FAM186B: variants seen among roughly 807,000 people sequenced by gnomAD.
FAM186B encodes the protein protein FAM186B.
FAM186B carries 68 observed loss-of-function variants against 83.4 expected under a neutral mutation model. That is an observed-to-expected ratio of 0.81 (90% CI 0.67 to 1.00). FAM186B has a LOEUF of 1.00. Ranked by LOEUF, FAM186B falls within the 50% of genes least tolerant of loss-of-function variation. The pLI is 0.00. For missense variants in FAM186B, 983 were observed against 1,099.2 expected, an observed-to-expected ratio of 0.89 and a Z score of 1.49; for synonymous variants, 389 against 422.0, an observed-to-expected ratio of 0.92 and a Z score of 0.96.
chr12:49,600,132 C>A lies in FAM186B; in HGVS notation c.1508G>T (p.Arg503Leu), dbSNP rs376802867. The A allele has an allele frequency of 1.2e-5, 19 of 1,613,508 alleles. No individual in the cohort carries two copies. In the African/African-American group the frequency reaches 2.4e-4, roughly 20 times the overall value. The change falls in exon 4 of 7, where the codon CGG becomes CTG. Residue 503 changes from arginine to leucine, a missense_variant. Physicochemically the swap from Arg to Leu is moderately radical, Grantham distance 102 (BLOSUM62 -2). Coordinates refer to ENST00000257894, the MANE Select transcript of FAM186B (RefSeq NM_032130.3). The surrounding 1 kb of genome is among the most constrained non-coding windows in gnomAD (Gnocchi z 4.3). ...CTCCAGCAGGGCCCACTTCTTCTGC[C>A]GCTGCTGCCACATCTCCTCCTCCTC... The part of the protein sequence containing the change: ...WLEEEEMWQQ[R>L]QKKWALLEQE...
At chr12:49,603,037 C>T in intron 3 of FAM186B, 148 bp downstream of exon 3, 1 of 828,520 alleles carries the variant, frequency 1.2e-6, no homozygotes. Context: ...GCTCAACCCT[C>T]AGCCCCTCAC....
downstream of FAM186B, chr12:49,584,107 C>T (rs185544555): frequency 1.6e-3 from 300 of 192,066 alleles, 3 homozygotes; most frequent in South Asian, 0.011. Flanking sequence ...AGATCACTGG[C>T]ATGTCAGTGA....
At chr12:49,587,060 G>A (rs1009218748), downstream of FAM186B, among the ~76,000 whole-genome samples, 5 of 152,182 alleles carry the variant, frequency 3.3e-5, no homozygotes, top group African/African-American at 1.2e-4. Context: ...CTCCAGTAGT[G>A]ACATCTACAA....
At chr12:49,612,324 A>T in the FAM186B span, among the ~76,000 whole-genome samples, 1 of 152,140 alleles carries the variant, frequency 6.6e-6, no homozygotes, top group South Asian at 2.1e-4. Flanking sequence ...CAAAAAGAGC[A>T]AGGGTCACTA....
the FAM186B span, among the ~76,000 whole-genome samples, chr12:49,615,544 A>G: frequency 6.8e-4 from 103 of 152,184 alleles, 2 homozygotes; most frequent in Non-Finnish European, 2.5e-4. Context: ...TAATCCCAGT[A>G]CTTTGGGAGG....
the FAM186B span, among the ~76,000 whole-genome samples, chr12:49,616,832 A>T: frequency 6.6e-6 from 1 of 152,218 alleles, no homozygotes; most frequent in Admixed American, 6.5e-5. Context: ...TACACTTAAA[A>T]TTGCCATTAT....
chr12:49,587,866 G>C, intron 6 of FAM186B, 114 bp from the exon 7 acceptor site: 1 of 1,188,516 alleles, frequency 8.4e-7, no homozygotes, highest in South Asian at 1.5e-5. Flanking sequence ...TTCTCAAATC[G>C]AGTGTGTCAC....
chr12:49,617,779 T>C, the FAM186B span, among the ~76,000 whole-genome samples: 1 of 152,142 alleles, frequency 6.6e-6, no homozygotes, highest in Non-Finnish European at 1.5e-5. Flanking sequence ...TGAAAACCCA[T>C]GTAGCCAAGG....
chr12:49,587,709 C>G lies in FAM186B; in HGVS notation c.2578G>C (p.Ala860Pro). ...QMEAVWKTEV[A>P]SSSYAIEKKT... The stretch of plus-strand genomic sequence containing the variant: ...TTTTCTATTGCGTAACTGGAGGAGG[C>G]CACCTCGGTCTTCCAGACAGCCTCC... The change falls in exon 7 of 7, where the codon GCC (alanine) becomes CCC (proline). Residue 860 changes from alanine (A) to proline (P), a missense_variant. By Grantham distance (27) the Ala-to-Pro change is conservative. Transcript: ENST00000257894. 1 of 1,614,014 alleles carries G rather than the reference C, an allele frequency of 6.2e-7. No homozygotes were observed. Among genetic ancestry groups the G allele is most frequent in the Non-Finnish European group, 8.5e-7 (1 of 1,179,994 alleles).
chr12:49,586,671 C>T (rs919265621), downstream of FAM186B, among the ~76,000 whole-genome samples: 32 of 152,280 alleles, frequency 2.1e-4, no homozygotes, highest in African/African-American at 7.7e-4. Context: ...CCATTCTGTT[C>T]GCTGTATCTA....
At chr12:49,620,513 C>CAA in the FAM186B span, among the ~76,000 whole-genome samples, 1 of 136,092 alleles carries the variant, frequency 7.3e-6, no homozygotes. Context: ...ACTAAAAATA[C>CAA]AAAAAAAAAA....
At chr12:49,586,153 A>G (rs1939438883), downstream of FAM186B, among the ~76,000 whole-genome samples, 1 of 152,214 alleles carries the variant, frequency 6.6e-6, no homozygotes, top group Admixed American at 6.5e-5. Context: ...GTCTTCATCT[A>G]AGTTCCCTTA....
At chr12:49,598,973 G>T in intron 4 of FAM186B, 26 bp from the exon 5 acceptor site, 1 of 1,611,196 alleles carries the variant, frequency 6.2e-7, no homozygotes, top group South Asian at 1.1e-5. Context: ...AAGCAATTTA[G>T]GGGGTGGAGA....
intron 5 of FAM186B, among the ~76,000 whole-genome samples, chr12:49,594,598 G>A (rs573873985): frequency 5.6e-4 from 85 of 152,340 alleles, no homozygotes; most frequent in African/African-American, 2.0e-3. Context: ...ACACAGGCCG[G>A]GTGTGGTGGC....
the FAM186B span, among the ~76,000 whole-genome samples, chr12:49,612,681 A>C: frequency 6.5e-3 from 988 of 152,314 alleles, 3 homozygotes; most frequent in Non-Finnish European, 0.011. Flanking sequence ...AAGAAGACTT[A>C]ACTATTCTAA....
intron 5 of FAM186B, among the ~76,000 whole-genome samples, chr12:49,597,921 G>A (rs1338676819): frequency 6.6e-6 from 1 of 152,120 alleles, no homozygotes; most frequent in East Asian, 1.9e-4. Flanking sequence ...TTATCCAGGT[G>A]TGGTGGTGGG....
chr12:49,619,459 T>C, the FAM186B span: 1 of 609,806 alleles, frequency 1.6e-6, no homozygotes, highest in Non-Finnish European at 3.0e-6. Flanking sequence ...TTGTTGCATA[T>C]GTATTATACA....
chr12:49,587,680 C>CT lies in FAM186B; in HGVS notation c.2606dup (p.Thr870AspfsTer?). The CT allele has an allele frequency of 6.2e-7, 1 of 1,614,032 alleles. No individual in the cohort carries two copies. Among genetic ancestry groups the CT allele is most frequent in the Non-Finnish European group, 8.5e-7 (1 of 1,179,978 alleles). ...GGTCCCGGGGAAGGCTGGCAGGGGT[C>CT]TTTTTTTCTATTGCGTAACTGGAGG... is the stretch of plus-strand genomic sequence containing the variant. On this transcript the variant is annotated frameshift_variant, in exon 7 of 7. Transcript: ENST00000257894. LOFTEE classifies it low-confidence loss of function (END_TRUNC).
the FAM186B span, among the ~76,000 whole-genome samples, chr12:49,615,035 G>A: frequency 6.6e-6 from 1 of 152,148 alleles, no homozygotes; most frequent in African/African-American, 2.4e-5. Context: ...GGCTGAGACA[G>A]GAGAATGGCG....
Sources: gnomAD v4.1 joint callset for allele counts (sites outside exome capture counted in the v4.1 genomes callset) on GRCh38, gnomAD v4.1.1 for gene constraint, Gnocchi (gnomAD v3.1) non-coding constraint, MANE v1.5 for transcripts, NCBI Gene and HGNC (gene_info 2026-07-23, HGNC 2026-07-21) for gene names.